ADGRL2: variants seen among roughly 807,000 people sequenced by gnomAD.
The protein encoded by ADGRL2 is adhesion G protein-coupled receptor L2, also known as calcium-independent alpha-latrotoxin receptor 2.
Under a neutral mutation model 157.4 loss-of-function variants are expected in ADGRL2, and 44 were observed. That is an observed-to-expected ratio of 0.28 (90% confidence interval 0.22 to 0.36). ADGRL2 has a LOEUF of 0.36. Ranked by LOEUF, ADGRL2 falls within the 10% of genes least tolerant of loss-of-function variation. The pLI, the probability that ADGRL2 is intolerant of heterozygous loss-of-function variation, is 1.00. For synonymous variants in ADGRL2, 585 were observed against 624.7 expected, an observed-to-expected ratio of 0.94 and a Z score of 0.95; for missense variants, 1,510 against 1,768.9, an observed-to-expected ratio of 0.85 and a Z score of 2.63.
chr1:81,847,187 T>C (rs1352157342), intron 2 of ADGRL2, among the ~76,000 whole-genome samples: 1 of 151,874 alleles, frequency 6.6e-6, no homozygotes, highest in Admixed American at 6.6e-5. Context: ...AGAAGAAAGA[T>C]GATGGAGGTC....
chr1:81,942,494 T>C (rs1648407519), intron 5 of ADGRL2, among the ~76,000 whole-genome samples: 1 of 151,938 alleles, frequency 6.6e-6, no homozygotes, highest in African/African-American at 2.4e-5. Flanking sequence ...GTTTTCAGTC[T>C]AACTTATGTA....
In ADGRL2 at chr1:81,932,567, G is replaced by GTGGCTCTC. The variant is rs199553178; in HGVS notation, c.288-4160_288-4153dup. ...TCTAAACCTATCTCGTTTTAACCCT[G>GTGGCTCTC]TGGCTCTCACACAAGTTGCACTGAT... On this transcript the variant is annotated intron_variant, in intron 3 of 23. Transcript: ENST00000686636. Among the ~76,000 whole-genome samples the GTGGCTCTC allele has an allele frequency of 5.7e-3, 875 of 152,252 alleles. 5 individuals are homozygous for GTGGCTCTC. The highest frequency in any genetic ancestry group is 0.02 in the African/African-American group (829 of 41,546).
intron 1 of ADGRL2, among the ~76,000 whole-genome samples, chr1:81,352,081 G>C (rs1303199783): frequency 6.6e-6 from 1 of 152,238 alleles, no homozygotes; most frequent in East Asian, 1.9e-4. Flanking sequence ...AGACAAAGGA[G>C]TCACCGCAAA....
intron 2 of ADGRL2, chr1:81,503,469 A>G: frequency 6.2e-7 from 1 of 1,611,690 alleles, no homozygotes; most frequent in Non-Finnish European, 8.5e-7. Flanking sequence ...GGTCCCTCTG[A>G]TGGGCAGGAC....
intron 3 of ADGRL2, among the ~76,000 whole-genome samples, chr1:81,650,566 C>T (rs1227937823): frequency 3.6e-5 from 5 of 137,920 alleles, no homozygotes; most frequent in Non-Finnish European, 6.1e-5. Context: ...CAGAGTGAGA[C>T]TCCATCTCAA....
At chr1:81,872,320 T>C (rs551951389) in intron 2 of ADGRL2, among the ~76,000 whole-genome samples, 1 of 152,158 alleles carries the variant, frequency 6.6e-6, no homozygotes, top group Non-Finnish European at 1.5e-5. Flanking sequence ...ACCATGCTGT[T>C]TTGGTAACTG....
chr1:81,789,873 G>A (rs141351646), intron 2 of ADGRL2, among the ~76,000 whole-genome samples: 1 of 152,050 alleles, frequency 6.6e-6, no homozygotes, highest in Non-Finnish European at 1.5e-5. Flanking sequence ...GGAAAAATTG[G>A]TTAAAAAGGC....
At chr1:81,595,853 A>T (rs1187745606) in intron 3 of ADGRL2, among the ~76,000 whole-genome samples, 4 of 152,184 alleles carry the variant, frequency 2.6e-5, no homozygotes, top group Non-Finnish European at 5.9e-5. Flanking sequence ...ACAGAAATTT[A>T]TATCTAACAG....
At chr1:81,679,681 T>C (rs999613592) in intron 3 of ADGRL2, among the ~76,000 whole-genome samples, 2 of 152,186 alleles carry the variant, frequency 1.3e-5, no homozygotes, top group Non-Finnish European at 2.9e-5. Flanking sequence ...TTCTCCTTTT[T>C]CTATTTATCA....
chr1:81,525,731 T>C (rs920306405), intron 2 of ADGRL2, among the ~76,000 whole-genome samples: 1 of 152,130 alleles, frequency 6.6e-6, no homozygotes, highest in African/African-American at 2.4e-5. Flanking sequence ...CCCAAGGAAA[T>C]AGGAAACGCT....
intron 2 of ADGRL2, among the ~76,000 whole-genome samples, chr1:81,792,560 T>G (rs2087399977): frequency 6.6e-6 from 1 of 152,184 alleles, no homozygotes; most frequent in African/African-American, 2.4e-5. Flanking sequence ...TAATGGAACC[T>G]TGTTATTCAA....
chr1:81,785,020 A>T (rs2173354), intron 2 of ADGRL2, among the ~76,000 whole-genome samples: 31,639 of 152,012 alleles, frequency 0.21, 3,695 homozygotes, highest in African/African-American at 0.31. Context: ...TTGAGAAGTG[A>T]CTTGCTTAGT....
At chr1:81,924,168 A>G (rs12744652) in intron 3 of ADGRL2, among the ~76,000 whole-genome samples, 23,567 of 152,152 alleles carry the variant, frequency 0.15, 2,391 homozygotes, top group Middle Eastern at 0.31. Flanking sequence ...TCCCTCAAGT[A>G]TATAACAGGG....
In ADGRL2 at chr1:81,473,798, C is replaced by G. The variant is rs533056699; in HGVS notation, c.-248+28709C>G. On this transcript the variant is annotated intron_variant, in intron 2 of 24. Coordinates refer to the ADGRL2 transcript ENST00000370721. ...GGATGTGAGGTTTTTTTTTTTCCCA[C>G]TTCAAGATAAACTTCAAAAGAGAAC... Among the ~76,000 whole-genome samples the G allele has an allele frequency of 2.6e-5, 4 of 151,822 alleles. No homozygotes were observed. The East Asian group carries it at 7.7e-4, about 29-fold the overall frequency.
chr1:81,336,702 T>G (rs74701955), intron 1 of ADGRL2, among the ~76,000 whole-genome samples: 2,572 of 152,232 alleles, frequency 0.017, 55 homozygotes, highest in South Asian at 0.052. Flanking sequence ...CATAAACTTT[T>G]TCATGTGTAA....
At chr1:81,686,204 A>C (rs1313134058) in intron 3 of ADGRL2, among the ~76,000 whole-genome samples, 1 of 152,208 alleles carries the variant, frequency 6.6e-6, no homozygotes, top group African/African-American at 2.4e-5. Context: ...TAATGCCAAA[A>C]GGATTAATAC....
chr1:81,807,251 TTTTGTTGCTA>T (rs1299250198), intron 1 of ADGRL2, among the ~76,000 whole-genome samples: 13 of 151,966 alleles, frequency 8.6e-5, no homozygotes, highest in African/African-American at 3.1e-4. Flanking sequence ...AATGGATAAC[TTTTGTTGCTA>T]TTTTTAACAA....
chr1:81,800,371 G>C (rs1441046869), upstream of ADGRL2: 5 of 152,270 alleles, frequency 3.3e-5, no homozygotes, highest in East Asian at 1.9e-4. Context: ...CGTCCCCCGC[G>C]CGCCGCAGCC....
At chr1:81,875,064 G>C (rs907777880) in intron 2 of ADGRL2, among the ~76,000 whole-genome samples, 1 of 151,908 alleles carries the variant, frequency 6.6e-6, no homozygotes, top group Non-Finnish European at 1.5e-5. Flanking sequence ...TGGATTGCCT[G>C]TGTTTTAAAC....
Sources: gnomAD v4.1 joint callset for allele counts (sites outside exome capture counted in the v4.1 genomes callset) on GRCh38, gnomAD v4.1.1 for gene constraint, MANE v1.5 for transcripts, NCBI Gene and HGNC (gene_info 2026-07-23, HGNC 2026-07-21) for gene names.